Variants in CSNK1G1 observed in about 807,000 individuals in gnomAD.
CSNK1G1 encodes the protein casein kinase 1 gamma 1.
CSNK1G1 carries 22 observed loss-of-function variants against 59.6 expected under a neutral mutation model. The observed-to-expected ratio is 0.37, with a 90% confidence interval of 0.26 to 0.53. CSNK1G1 has a LOEUF of 0.53. Ranked by LOEUF, CSNK1G1 falls within the 20% of genes least tolerant of loss-of-function variation. The probability of loss-of-function intolerance (pLI) is 0.89; values close to 1 mark genes in which losing one functional copy is unlikely to be tolerated. For missense variants in CSNK1G1, 384 were observed against 519.5 expected (o/e 0.74, Z 2.54); for synonymous variants, 179 against 177.1 (o/e 1.01, Z -0.08).
intron 4 of CSNK1G1, among the ~76,000 whole-genome samples, chr15:64,219,249 G>A (rs1326898516): frequency 6.6e-6 from 1 of 152,108 alleles, no homozygotes; most frequent in Non-Finnish European, 1.5e-5. Flanking sequence ...AATGACTCCT[G>A]CTGAGACATC....
chr15:64,348,860 G>A (rs1215256531), intron 1 of CSNK1G1, among the ~76,000 whole-genome samples: 2 of 152,084 alleles, frequency 1.3e-5, no homozygotes, highest in African/African-American at 2.4e-5. Flanking sequence ...GGCAAGGCGC[G>A]GTGGCTCACA....
At chr15:64,306,416 T>C (rs951522859) in intron 1 of CSNK1G1, among the ~76,000 whole-genome samples, 3 of 152,180 alleles carry the variant, frequency 2.0e-5, no homozygotes, top group Middle Eastern at 3.4e-3. Context: ...CAGAAGGGAA[T>C]TGCAAATTAA....
intron 1 of CSNK1G1, among the ~76,000 whole-genome samples, chr15:64,318,907 G>A (rs1391640664): frequency 6.6e-6 from 1 of 151,278 alleles, no homozygotes; most frequent in Non-Finnish European, 1.5e-5. Flanking sequence ...CACCGTGCCT[G>A]GCCAACATGA....
At chr15:64,305,721 CA>C (rs750920098) in intron 1 of CSNK1G1, among the ~76,000 whole-genome samples, 9 of 104,644 alleles carry the variant, frequency 8.6e-5, no homozygotes, top group East Asian at 2.8e-4. Context: ...AAAACAAAAA[CA>C]AAAAAAAAAC....
intron 4 of CSNK1G1, among the ~76,000 whole-genome samples, chr15:64,229,902 A>ATTT (rs533868270): frequency 0.036 from 1,590 of 43,658 alleles, 477 homozygotes; most frequent in East Asian, 0.1. Context: ...ATGTTTGTAA[A>ATTT]TTTTTTTTTT....
intron 10 of CSNK1G1, among the ~76,000 whole-genome samples, chr15:64,202,119 AAAC>A (rs2082116847): frequency 6.6e-6 from 1 of 152,168 alleles, no homozygotes; most frequent in Non-Finnish European, 1.5e-5. Flanking sequence ...CTAGTTTTCC[AAAC>A]AACGAACAAT....
chr15:64,270,497 C>T (rs569858763), intron 2 of CSNK1G1, among the ~76,000 whole-genome samples: 1 of 152,262 alleles, frequency 6.6e-6, no homozygotes, highest in East Asian at 1.9e-4. Context: ...CAGTGGCTCA[C>T]GCCTGTAATC....
intron 1 of CSNK1G1, among the ~76,000 whole-genome samples, chr15:64,338,391 T>C (rs1897498709): frequency 6.6e-6 from 1 of 152,110 alleles, no homozygotes; most frequent in South Asian, 2.1e-4. Flanking sequence ...ATGGGACATC[T>C]AACAACTTGA....
chr15:64,310,728 C>T (rs1895948260), intron 1 of CSNK1G1, among the ~76,000 whole-genome samples: 4 of 151,836 alleles, frequency 2.6e-5, no homozygotes, highest in Middle Eastern at 6.8e-3. Context: ...GAAAAGAGGC[C>T]GGGCACAGCG....
At chr15:64,327,006 C>T (rs1198265718) in intron 1 of CSNK1G1, among the ~76,000 whole-genome samples, 1 of 151,376 alleles carries the variant, frequency 6.6e-6, no homozygotes, top group African/African-American at 2.4e-5. Flanking sequence ...TATCCCACAC[C>T]TGGCTCGGAG....
At chr15:64,285,289 A>G (rs1026523366) in intron 2 of CSNK1G1, among the ~76,000 whole-genome samples, 1 of 152,120 alleles carries the variant, frequency 6.6e-6, no homozygotes, top group Non-Finnish European at 1.5e-5. Flanking sequence ...AGTATATCCA[A>G]CATTTATATC....
rs1258634860 is a variant in CSNK1G1, at chr15:64,167,625, T to A, written c.*4306A>T. ...GGCAAAGGCAATGTTGGCTGTATGG[T>A]GTTGCAGGCTCCCAATCTGAGAAAC... On this transcript the variant is annotated 3_prime_UTR_variant, in exon 12 of 12. Transcript: ENST00000303052. 1 of 152,676 alleles carries A rather than the reference T, an allele frequency of 6.5e-6. No individual in the cohort carries two copies. The highest frequency in any genetic ancestry group is 2.1e-4 in the South Asian group (1 of 4,832). 9.5% of individuals were successfully genotyped at this position (152,676 alleles called of 1,614,324 possible).
intron 10 of CSNK1G1, among the ~76,000 whole-genome samples, chr15:64,195,963 C>T (rs575539399): frequency 2.0e-5 from 3 of 152,318 alleles, no homozygotes; most frequent in Admixed American, 2.0e-4. Flanking sequence ...GGCATGGTAG[C>T]TCACACTTGT....
intron 1 of CSNK1G1, among the ~76,000 whole-genome samples, chr15:64,338,054 T>C (rs1455668140): frequency 2.6e-5 from 4 of 152,234 alleles, no homozygotes; most frequent in African/African-American, 9.6e-5. Context: ...ATGAATGCTG[T>C]TATAAAGGTA....
At chr15:64,192,481 A>C (rs1596071624) in intron 10 of CSNK1G1, among the ~76,000 whole-genome samples, 1 of 152,358 alleles carries the variant, frequency 6.6e-6, no homozygotes, top group East Asian at 1.9e-4. Flanking sequence ...ATACTTGAGA[A>C]AACACAGAAG....
At chr15:64,289,088 G>A (rs1197190295) in intron 2 of CSNK1G1, among the ~76,000 whole-genome samples, 8 of 151,484 alleles carry the variant, frequency 5.3e-5, no homozygotes, top group African/African-American at 2.4e-5. Context: ...GGCAAGGCAC[G>A]AGAATCACTT....
chr15:64,345,340 A>G (rs1477567846), intron 1 of CSNK1G1, among the ~76,000 whole-genome samples: 1 of 152,198 alleles, frequency 6.6e-6, no homozygotes, highest in East Asian at 1.9e-4. Context: ...CTTCCTATTC[A>G]GTTTTTGCCA....
chr15:64,338,450 A>T (rs758467721), intron 1 of CSNK1G1, among the ~76,000 whole-genome samples: 1 of 152,182 alleles, frequency 6.6e-6, no homozygotes, highest in Admixed American at 6.5e-5. Flanking sequence ...CTGTAATCCC[A>T]GCACATTGGG....
intron 2 of CSNK1G1, among the ~76,000 whole-genome samples, chr15:64,296,567 T>C (rs1247035176): frequency 6.6e-6 from 1 of 152,202 alleles, no homozygotes; most frequent in Non-Finnish European, 1.5e-5. Flanking sequence ...GAAATAGTTG[T>C]TAAATGTATG....
Sources: gnomAD v4.1 joint callset for allele counts (sites outside exome capture counted in the v4.1 genomes callset) on GRCh38, gnomAD v4.1.1 for gene constraint, MANE v1.5 for transcripts, NCBI Gene and HGNC (gene_info 2026-07-23, HGNC 2026-07-21) for gene names.